The following GARIN3 variants were observed in gnomAD, a reference collection of about 807,000 sequenced individuals.
GARIN3 encodes golgi associated RAB2 interactor family member 3.
the GARIN3 span, chr5:157,162,187 C>T: frequency 4.3e-4 from 228 of 532,502 alleles, 5 homozygotes; most frequent in South Asian, 4.5e-3. Flanking sequence ...TGAACACTCA[C>T]GTTGGCTCTG....
the GARIN3 span, among the ~76,000 whole-genome samples, chr5:157,164,413 A>G: frequency 6.6e-6 from 1 of 152,056 alleles, no homozygotes; most frequent in African/African-American, 2.4e-5. Context: ...TGGCCTCTCA[A>G]AGTGCTGGGT....
At chr5:157,165,703 G>T in the GARIN3 span, 3 of 1,614,164 alleles carry the variant, frequency 1.9e-6, no homozygotes, top group Admixed American at 5.0e-5. Context: ...TCAGAAGAGG[G>T]ACACAACTGC....
At chr5:157,162,445 C>T in the GARIN3 span, 1 of 1,612,708 alleles carries the variant, frequency 6.2e-7, no homozygotes, top group Non-Finnish European at 8.5e-7. Flanking sequence ...CCTGGCTCCT[C>T]TTTAAATGGA....
chr5:157,165,887 T>TTTAG, the GARIN3 span: 1 of 1,614,048 alleles, frequency 6.2e-7, no homozygotes, highest in Non-Finnish European at 8.5e-7. Flanking sequence ...GTTCACAGAT[T>TTTAG]TTAGTTGGTT....
the GARIN3 span, chr5:157,163,177 G>A: frequency 4.1e-4 from 662 of 1,614,118 alleles, 1 homozygote; most frequent in African/African-American, 7.7e-3. Context: ...GAGACTGGCG[G>A]CCCCCGCCAT....
the GARIN3 span, chr5:157,163,749 A>G: frequency 6.8e-7 from 1 of 1,476,376 alleles, no homozygotes; most frequent in Middle Eastern, 2.5e-4. Flanking sequence ...GAGTTAATTC[A>G]AGGGCTTATA....
the GARIN3 span, among the ~76,000 whole-genome samples, chr5:157,164,863 T>A: frequency 6.6e-6 from 1 of 151,522 alleles, no homozygotes; most frequent in African/African-American, 2.4e-5. Context: ...AAAAAAAAAT[T>A]ATAAAAATTA....
chr5:157,166,037 T>A, the GARIN3 span: 1 of 1,614,212 alleles, frequency 6.2e-7, no homozygotes, highest in South Asian at 1.1e-5. Flanking sequence ...CGAACATTGG[T>A]GCATACTTGA....
chr5:157,163,451 C>A, the GARIN3 span: 1 of 1,614,220 alleles, frequency 6.2e-7, no homozygotes. Flanking sequence ...GCTGTTCCTG[C>A]CACTGCCATG....
chr5:157,162,504 A>C, the GARIN3 span: 20 of 1,613,964 alleles, frequency 1.2e-5, no homozygotes, highest in Non-Finnish European at 1.7e-5. Flanking sequence ...TCATAGTGCC[A>C]CTGATCATCT....
At chr5:157,165,570 C>T in the GARIN3 span, 1 of 1,609,756 alleles carries the variant, frequency 6.2e-7, no homozygotes, top group African/African-American at 1.3e-5. Context: ...TACCACTAGG[C>T]TTTTGTTGTC....
chr5:157,162,891 C>T, the GARIN3 span: 1 of 1,614,150 alleles, frequency 6.2e-7, no homozygotes, highest in Non-Finnish European at 8.5e-7. Context: ...GATTCTTGTC[C>T]CCCGCTCTCC....
chr5:157,162,714 C>T, the GARIN3 span: 6 of 1,614,232 alleles, frequency 3.7e-6, no homozygotes, highest in South Asian at 3.3e-5. Context: ...CAGATTGGTT[C>T]TTCCCCAGTT....
At chr5:157,163,402 G>A in the GARIN3 span, 1 of 1,614,140 alleles carries the variant, frequency 6.2e-7, no homozygotes, top group Non-Finnish European at 8.5e-7. Flanking sequence ...AGGACTCATT[G>A]CTGCCCCTGC....
At chr5:157,165,860 G>A in the GARIN3 span, 6 of 1,614,062 alleles carry the variant, frequency 3.7e-6, no homozygotes, top group South Asian at 6.6e-5. Flanking sequence ...TGGCAAACCG[G>A]CCCCATCTGA....
chr5:157,162,785 C>T, the GARIN3 span: 1 of 1,614,198 alleles, frequency 6.2e-7, no homozygotes, highest in Non-Finnish European at 8.5e-7. Context: ...CGAGAGGAGC[C>T]ATGTCGCTTG....
the GARIN3 span, chr5:157,163,664 C>A: frequency 1.2e-6 from 2 of 1,607,030 alleles, no homozygotes; most frequent in Non-Finnish European, 1.7e-6. Context: ...GCAGCCTATA[C>A]CAAGGGGAAG....
chr5:157,164,086 AAAAAAG>A, the GARIN3 span, among the ~76,000 whole-genome samples: 2 of 151,756 alleles, frequency 1.3e-5, no homozygotes, highest in African/African-American at 4.8e-5. Context: ...AGAAAGAAAG[AAAAAAG>A]AAAAAAGGAA....
the GARIN3 span, chr5:157,163,602 A>C: frequency 6.2e-7 from 1 of 1,614,008 alleles, no homozygotes; most frequent in Admixed American, 1.7e-5. Context: ...CAGATACATC[A>C]CAAGGCTTGT....
Sources: gnomAD v4.1 joint callset for allele counts (sites outside exome capture counted in the v4.1 genomes callset) on GRCh38, gnomAD v4.1.1 for gene constraint, MANE v1.5 for transcripts, NCBI Gene and HGNC (gene_info 2026-07-23, HGNC 2026-07-21) for gene names.